MARCHF4: variants seen among roughly 807,000 people sequenced by gnomAD.
MARCHF4 encodes the protein E3 ubiquitin-protein ligase MARCHF4.
In MARCHF4, 14 loss-of-function variants were observed where a neutral mutation model predicts 43.9. The ratio of observed to expected loss-of-function variants is 0.32; its 90% CI spans 0.21 to 0.50. The LOEUF is 0.50. MARCHF4 is among the 20% of genes least tolerant of loss of function. The pLI, the probability that MARCHF4 is intolerant of heterozygous loss-of-function variation, is 0.98. For missense variants in MARCHF4, 468 were observed against 536.7 expected (o/e 0.87, Z 1.27); for synonymous variants, 226 against 213.3 (o/e 1.06, Z -0.52).
In MARCHF4 at chr2:216,302,906, A is replaced by G. The variant is rs1253598470; in HGVS notation, c.517-19177T>C. On this transcript the variant is annotated intron_variant, in intron 1 of 3. Transcript: ENST00000273067. ...AGGTGAGACTCTGTATCAAAAAAAA[A>G]AAAAAAAAAAAAAAAAAGAAAATGG... is the stretch of plus-strand genomic sequence containing the variant. 1.4e-3 allele frequency among the ~76,000 whole-genome samples: 116 copies of G among 84,116 alleles called. 1 individual carries two copies. The highest frequency in any genetic ancestry group is 7.2e-3 in the Middle Eastern group (1 of 138). The allele number at this position is 84,116 out of a possible 152,430, so 55.2% of individuals were successfully genotyped here. A position where few individuals can be genotyped will look rare whatever the true frequency, so the allele number is the denominator to read the frequency against.
intron 2 of MARCHF4, 97 bp downstream of exon 2, chr2:216,283,477 A>C: frequency 7.0e-7 from 1 of 1,425,278 alleles, no homozygotes; most frequent in Non-Finnish European, 9.4e-7. Context: ...CTTTTCCTCA[A>C]ACTGCCCTGA....
chr2:216,348,323 G>A (rs1692351907), intron 1 of MARCHF4, among the ~76,000 whole-genome samples: 3 of 152,150 alleles, frequency 2.0e-5, no homozygotes, highest in African/African-American at 7.2e-5. Flanking sequence ...ACAGGCATGA[G>A]CCACCGTGCC....
intron 1 of MARCHF4, among the ~76,000 whole-genome samples, chr2:216,358,370 T>G (rs1313628806): frequency 1.3e-5 from 2 of 152,212 alleles, no homozygotes; most frequent in Non-Finnish European, 2.9e-5. Context: ...AGTCTTCATT[T>G]TCTATTTCCC....
At chr2:216,274,695 C>A (rs1690993558) in intron 3 of MARCHF4, among the ~76,000 whole-genome samples, 1 of 152,176 alleles carries the variant, frequency 6.6e-6, no homozygotes, top group Admixed American at 6.5e-5. Context: ...CTTTTTATTT[C>A]TTCTCCTAGC....
chr2:216,305,880 A>G (rs1031154183), intron 1 of MARCHF4, among the ~76,000 whole-genome samples: 1 of 152,220 alleles, frequency 6.6e-6, no homozygotes, highest in East Asian at 1.9e-4. Flanking sequence ...AAAGAGGCAT[A>G]AGGACGGCAC....
chr2:216,312,364 G>T (rs1165282071), intron 1 of MARCHF4, among the ~76,000 whole-genome samples: 2 of 152,186 alleles, frequency 1.3e-5, no homozygotes, highest in African/African-American at 4.8e-5. Context: ...GCTGCTGATA[G>T]TCACTTAGGT....
intron 1 of MARCHF4, among the ~76,000 whole-genome samples, chr2:216,354,922 TC>T (rs1467018883): frequency 8.5e-5 from 10 of 118,294 alleles, no homozygotes; most frequent in Non-Finnish European, 1.4e-4. Flanking sequence ...TTTCTTTCTT[TC>T]TTTCTTTCTT....
chr2:216,271,022 T>C (rs1690926365), intron 3 of MARCHF4, among the ~76,000 whole-genome samples: 1 of 152,244 alleles, frequency 6.6e-6, no homozygotes, highest in Non-Finnish European at 1.5e-5. Context: ...CATCTGTTCA[T>C]ATTTCCCCAT....
At chr2:216,332,396 A>T (rs1692092761) in intron 1 of MARCHF4, among the ~76,000 whole-genome samples, 1 of 151,718 alleles carries the variant, frequency 6.6e-6, no homozygotes, top group Non-Finnish European at 1.5e-5. Flanking sequence ...TGTCTAAAAA[A>T]AAAAAAAAGA....
chr2:216,368,538 G>A (rs538429900), intron 1 of MARCHF4, among the ~76,000 whole-genome samples: 36 of 152,280 alleles, frequency 2.4e-4, no homozygotes, highest in Non-Finnish European at 4.9e-4. Context: ...TGTCCATTGA[G>A]AGCAAAGCAA....
chr2:216,349,458 A>T (rs992717753), intron 1 of MARCHF4, among the ~76,000 whole-genome samples: 1 of 152,246 alleles, frequency 6.6e-6, no homozygotes, highest in Non-Finnish European at 1.5e-5. Context: ...CCTTGAGCTC[A>T]TCGTTCACCT....
chr2:216,368,743 A>T (rs1574490301), intron 1 of MARCHF4, among the ~76,000 whole-genome samples: 2 of 152,330 alleles, frequency 1.3e-5, no homozygotes, highest in South Asian at 2.1e-4. Flanking sequence ...CCCACCTTGC[A>T]ATTGAATACT....
chr2:216,320,154 T>A (rs1244123376), intron 1 of MARCHF4, among the ~76,000 whole-genome samples: 1 of 152,234 alleles, frequency 6.6e-6, no homozygotes, highest in African/African-American at 2.4e-5. Context: ...AAGGGACTCA[T>A]TATTAAACAA....
chr2:216,264,953 C>T (rs560320483), intron 3 of MARCHF4, among the ~76,000 whole-genome samples: 1 of 152,166 alleles, frequency 6.6e-6, no homozygotes, highest in Non-Finnish European at 1.5e-5. Flanking sequence ...CCTTCCTCTG[C>T]TCCCTGCTCT....
intron 1 of MARCHF4, among the ~76,000 whole-genome samples, chr2:216,356,177 A>G (rs1044312854): frequency 3.9e-5 from 6 of 152,206 alleles, no homozygotes; most frequent in African/African-American, 1.4e-4. Context: ...GTTCAAGAAC[A>G]CTGCATAATG....
At chr2:216,266,066 A>G (rs1559281056) in intron 3 of MARCHF4, 1 of 152,214 alleles carries the variant, frequency 6.6e-6, no homozygotes, top group Non-Finnish European at 1.5e-5. Flanking sequence ...TGTCATAGAC[A>G]TGGAAATGGG....
At chr2:216,331,615 T>C (rs75319007) in intron 1 of MARCHF4, among the ~76,000 whole-genome samples, 1,778 of 152,172 alleles carry the variant, frequency 0.012, 30 homozygotes, top group African/African-American at 0.041. Context: ...CAATGATACA[T>C]AAAATAGACA....
In MARCHF4 at chr2:216,259,450, G is replaced by A. The variant is rs745966938; in HGVS notation, c.1095C>T (p.Ala365=). The A allele has an allele frequency of 1.5e-5, 25 of 1,614,014 alleles. No individual in the cohort carries two copies. The South Asian group carries it at 1.6e-4, about 11-fold the overall frequency. Residue 365 remains alanine, a synonymous_variant, in exon 4 of 4, where the codon GCC becomes GCT. Transcript: ENST00000273067. The part of the protein sequence containing the change: ...PAPEQGPAQA[A]GHPSGPLSHH... ...GGGACAGAGGGCCTGAGGGGTGGCCGGCAGCCTGGGCAGGGCCCTGCTCAG... is the reference window on the plus strand; with the variant it reads ...GGGACAGAGGGCCTGAGGGGTGGCCAGCAGCCTGGGCAGGGCCCTGCTCAG...
intron 1 of MARCHF4, among the ~76,000 whole-genome samples, chr2:216,354,923 CTTTCTTT>C (rs1692466647): frequency 3.3e-5 from 4 of 121,840 alleles, no homozygotes; most frequent in Admixed American, 8.9e-5. Flanking sequence ...TTCTTTCTTT[CTTTCTTT>C]CTTTCTTTCT....
Sources: allele counts gnomAD v4.1 joint callset (sites outside exome capture counted in the v4.1 genomes callset), GRCh38; gene constraint gnomAD v4.1.1; transcripts MANE v1.5; gene names NCBI Gene and HGNC (gene_info 2026-07-23, HGNC 2026-07-21).